PUS7: variants seen among roughly 807,000 people sequenced by gnomAD.
PUS7 encodes pseudouridylate synthase 7 homolog.
PUS7 carries 48 observed loss-of-function variants against 79.8 expected under a neutral mutation model. That is an observed-to-expected ratio of 0.60 (90% CI 0.48 to 0.76). The LOEUF (loss-of-function observed/expected upper bound fraction) is 0.76. Among genes scored for constraint, PUS7 ranks in the 30% least tolerant of loss-of-function variants. The probability of loss-of-function intolerance (pLI) is 0.00; values close to 1 mark genes in which losing one functional copy is unlikely to be tolerated. For synonymous variants in PUS7, 286 were observed against 272.2 expected (o/e 1.05, Z -0.50); for missense variants, 729 against 797.6 (o/e 0.91, Z 1.04).
chr7:105,515,630 AC>A (rs1825862461), intron 1 of PUS7, among the ~76,000 whole-genome samples: 2 of 152,020 alleles, frequency 1.3e-5, no homozygotes, highest in Non-Finnish European at 2.9e-5. Context: ...CCTATCATAG[AC>A]AAATTAATTT....
chr7:105,482,835 A>AT (rs1476051423), intron 7 of PUS7, among the ~76,000 whole-genome samples: 2 of 152,064 alleles, frequency 1.3e-5, no homozygotes, highest in Non-Finnish European at 2.9e-5. Flanking sequence ...AAAGGTCATT[A>AT]TTTTTGTCAA....
chr7:105,501,308 A>G (rs1241768787), intron 5 of PUS7, among the ~76,000 whole-genome samples: 4 of 152,212 alleles, frequency 2.6e-5, no homozygotes, highest in Admixed American at 6.5e-5. Context: ...TCATTAATAC[A>G]GGCCACCGCT....
At chr7:105,506,394 C>T in intron 2 of PUS7, 121 bp from the exon 3 acceptor site, 1 of 683,014 alleles carries the variant, frequency 1.5e-6, no homozygotes, top group Non-Finnish European at 2.4e-6. Flanking sequence ...AAAAAATCTT[C>T]AGTGCAAAAT....
Position 105,458,068 on chromosome 7 carries a change from C to T in PUS7, c.1850-142G>A, listed in dbSNP as rs371681005. ...TCCTAGGGGGCCTTGGAGAATGAGA[C>T]CATGGAAGTAAGAGATCTGTGAGTG... On this transcript the variant is annotated intron_variant, in intron 15 of 15. Coordinates refer to ENST00000469408, the MANE Select transcript of PUS7 (RefSeq NM_019042.5). 134 of 890,370 alleles carry T rather than the reference C, an allele frequency of 1.5e-4. No individual in the cohort carries two copies. The African/African-American group carries it at 1.9e-3, about 12-fold the overall frequency. The allele number at this position is 890,370 out of a possible 1,614,324, so 55.2% of individuals were successfully genotyped here.
At chr7:105,469,260 CT>C (rs1418061583) in intron 11 of PUS7, among the ~76,000 whole-genome samples, 1 of 151,704 alleles carries the variant, frequency 6.6e-6, no homozygotes, top group Non-Finnish European at 1.5e-5. Context: ...TCTCATTTTT[CT>C]TTTTTCCTTC....
chr7:105,459,333 T>C, intron 14 of PUS7, 74 bp from the exon 15 acceptor site: 1 of 896,282 alleles, frequency 1.1e-6, no homozygotes. Context: ...CATCATCATT[T>C]ATTTAGCAAG....
intron 14 of PUS7, among the ~76,000 whole-genome samples, chr7:105,461,234 G>A (rs760631526): frequency 9.2e-5 from 14 of 152,278 alleles, no homozygotes; most frequent in South Asian, 4.1e-4. Context: ...TCTAAGTAAG[G>A]TAATTTGCTC....
chr7:105,470,230 A>G (rs1403073246), intron 11 of PUS7: 6 of 152,684 alleles, frequency 3.9e-5, no homozygotes, highest in African/African-American at 1.4e-4. Flanking sequence ...GCTGGAGTGC[A>G]TGGAGTCCTG....
intron 1 of PUS7, among the ~76,000 whole-genome samples, chr7:105,521,323 T>G (rs1826101781): frequency 6.6e-6 from 1 of 152,192 alleles, no homozygotes; most frequent in Admixed American, 6.5e-5. Flanking sequence ...ACTAAACTCT[T>G]TGCCAACCCT....
intron 7 of PUS7, among the ~76,000 whole-genome samples, chr7:105,486,641 G>A (rs939352420): frequency 6.6e-6 from 1 of 152,160 alleles, no homozygotes; most frequent in Non-Finnish European, 1.5e-5. Context: ...GAAACTGACA[G>A]AACAATTCAG....
At chr7:105,458,782 C>T (rs1315149214) in intron 15 of PUS7, among the ~76,000 whole-genome samples, 1 of 151,710 alleles carries the variant, frequency 6.6e-6, no homozygotes, top group Non-Finnish European at 1.5e-5. Flanking sequence ...ACCGTGGTCT[C>T]GATCTCCTGA....
At chr7:105,509,881 C>A (rs935560321) in intron 1 of PUS7, among the ~76,000 whole-genome samples, 43 of 152,128 alleles carry the variant, frequency 2.8e-4, no homozygotes, top group Admixed American at 2.8e-3. Context: ...GGGTGGTTAC[C>A]TCTAGGAGAG....
chr7:105,481,831 C>T (rs968740006), intron 8 of PUS7, among the ~76,000 whole-genome samples: 12 of 151,678 alleles, frequency 7.9e-5, no homozygotes, highest in Non-Finnish European at 1.8e-4. Context: ...CCTCGGTTCA[C>T]GCCATTCTCC....
At chr7:105,485,052 G>A (rs1279271114) in intron 7 of PUS7, among the ~76,000 whole-genome samples, 1 of 151,716 alleles carries the variant, frequency 6.6e-6, no homozygotes, top group African/African-American at 2.4e-5. Context: ...TAGCAGAGAT[G>A]GGGTTTCACC....
intron 7 of PUS7, among the ~76,000 whole-genome samples, chr7:105,484,799 CAAA>C (rs140115911): frequency 1.1e-5 from 1 of 93,090 alleles, no homozygotes; most frequent in Non-Finnish European, 2.2e-5. Flanking sequence ...GCTTGGCTGT[CAAA>C]AAAAAAAAAA....
chr7:105,491,763 T>C, intron 6 of PUS7, 146 bp from the exon 7 acceptor site: 1 of 603,570 alleles, frequency 1.7e-6, no homozygotes, highest in South Asian at 2.2e-5. Flanking sequence ...TATTTTAACA[T>C]GAATCCAGGG....
At chr7:105,493,084 C>T (rs995038800) in intron 6 of PUS7, among the ~76,000 whole-genome samples, 2 of 152,142 alleles carry the variant, frequency 1.3e-5, no homozygotes, top group African/African-American at 4.8e-5. Context: ...TTACATAAGA[C>T]AGTGAAAGCA....
At position 105,486,333 on chromosome 7, in the gene PUS7, G is replaced by A. The variant is rs567033980; in HGVS notation, c.921-3893C>T. 4.6e-5 allele frequency among the ~76,000 whole-genome samples: 7 copies of A among 152,282 alleles called. No individual in the cohort carries two copies. In the East Asian group the frequency reaches 5.8e-4, roughly 13 times the overall value. ...CTCCCAAAGTGCTGGGATTACAGGC[G>A]TGAGCCACCGCACCCAGCTGTACAT... On this transcript the variant is annotated intron_variant, in intron 7 of 15. Transcript: ENST00000469408.
intron 7 of PUS7, among the ~76,000 whole-genome samples, chr7:105,490,591 A>C (rs963075813): frequency 1.3e-5 from 2 of 151,962 alleles, no homozygotes; most frequent in Non-Finnish European, 2.9e-5. Context: ...AAGACCCTCA[A>C]CCTGACCTAA....
Sources: gnomAD v4.1 joint callset for allele counts (sites outside exome capture counted in the v4.1 genomes callset) on GRCh38, gnomAD v4.1.1 for gene constraint, MANE v1.5 for transcripts, NCBI Gene and HGNC (gene_info 2026-07-23, HGNC 2026-07-21) for gene names.